The following TSHR variants were observed in gnomAD, a reference collection of about 807,000 sequenced individuals.
TSHR encodes thyrotropin receptor.
In TSHR, 51 loss-of-function variants were observed where a neutral mutation model predicts 64.1. The ratio of observed to expected loss-of-function variants is 0.80; its 90% confidence interval spans 0.64 to 1.01. The LOEUF (loss-of-function observed/expected upper bound fraction) is 1.01. Among genes scored for constraint, TSHR ranks in the 50% least tolerant of loss-of-function variants. TSHR has a pLI of 0.00. For synonymous variants in TSHR, 361 were observed against 361.9 expected (o/e 1.00, Z 0.03); for missense variants, 877 against 942.8 (o/e 0.93, Z 0.91).
intron 4 of TSHR, among the ~76,000 whole-genome samples, chr14:81,090,048 CAA>C (rs57476888): frequency 7.3e-6 from 1 of 137,000 alleles, no homozygotes; most frequent in Non-Finnish European, 1.6e-5. Flanking sequence ...GCCAAATTCT[CAA>C]AAAAAAAAAA....
At chr14:81,030,116 T>C (rs1884275294) in intron 1 of TSHR, among the ~76,000 whole-genome samples, 1 of 152,156 alleles carries the variant, frequency 6.6e-6, no homozygotes, top group Non-Finnish European at 1.5e-5. Flanking sequence ...AGAAGAGAGT[T>C]GATGGTGGCT....
chr14:81,091,452 A>G (rs1322589083), intron 5 of TSHR, among the ~76,000 whole-genome samples: 1 of 152,198 alleles, frequency 6.6e-6, no homozygotes, highest in Non-Finnish European at 1.5e-5. Context: ...GAGAGGTTTT[A>G]CTATTAAAAG....
chr14:81,142,296 G>T (rs906617691), intron 9 of TSHR, among the ~76,000 whole-genome samples: 12 of 152,144 alleles, frequency 7.9e-5, no homozygotes, highest in Non-Finnish European at 1.8e-4. Context: ...GGCCAGGCTG[G>T]TTCAAGCTCC....
At chr14:80,963,566 T>C (rs1440833415) in intron 1 of TSHR, among the ~76,000 whole-genome samples, 3 of 152,232 alleles carry the variant, frequency 2.0e-5, no homozygotes, top group African/African-American at 7.2e-5. Context: ...CAGAGAAAAC[T>C]GTATCTTTTT....
intron 8 of TSHR, among the ~76,000 whole-genome samples, chr14:81,110,336 G>T (rs989099957): frequency 6.6e-6 from 1 of 152,130 alleles, no homozygotes; most frequent in Non-Finnish European, 1.5e-5. Flanking sequence ...CAATCTGACA[G>T]GTGGCCTCAT....
At chr14:81,090,607 T>C (rs1464115896) in intron 4 of TSHR, among the ~76,000 whole-genome samples, 1 of 152,164 alleles carries the variant, frequency 6.6e-6, no homozygotes, top group East Asian at 1.9e-4. Context: ...GTAGGAAAGA[T>C]ATTCTTGGCA....
At chr14:81,022,551 G>A (rs1403575261) in intron 1 of TSHR, among the ~76,000 whole-genome samples, 3 of 152,060 alleles carry the variant, frequency 2.0e-5, no homozygotes, top group Non-Finnish European at 2.9e-5. Flanking sequence ...GGCCGGGCAC[G>A]GTGGCTCACA....
chr14:80,955,625 A>G lies in TSHR; in HGVS notation c.-56A>G. 6.2e-7 allele frequency: 1 copy of G among 1,606,998 alleles called. No homozygotes were observed. The highest frequency in any genetic ancestry group is 1.1e-5 in the South Asian group (1 of 90,684). On this transcript the variant is annotated 5_prime_UTR_variant, in exon 1 of 10. Transcript: ENST00000298171. ...TGGCCTGGGGTAACCCGAGGTGCAG[A>G]GCTGAGAATGAGGCGATTTCGGAGG...
chr14:80,964,223 G>A (rs1329816385), intron 1 of TSHR, among the ~76,000 whole-genome samples: 1 of 152,112 alleles, frequency 6.6e-6, no homozygotes, highest in Non-Finnish European at 1.5e-5. Flanking sequence ...TCAACAATCA[G>A]ATCAGTTTTG....
intron 2 of TSHR, among the ~76,000 whole-genome samples, chr14:81,067,883 A>G (rs1886749650): frequency 6.9e-6 from 1 of 145,424 alleles, no homozygotes; most frequent in African/African-American, 2.6e-5. Flanking sequence ...AAGAAGATGA[A>G]GAGAAAACCT....
At chr14:81,009,657 C>A (rs116307548) in intron 1 of TSHR, among the ~76,000 whole-genome samples, 2 of 151,902 alleles carry the variant, frequency 1.3e-5, no homozygotes. Context: ...CTATAGCTTA[C>A]TTTCTTGACT....
Position 81,077,955 on chromosome 14 carries a change from A to G in TSHR, c.317+9627A>G, listed in dbSNP as rs183805708. ...CCACATATCATGTAAGAACCTTTTG[A>G]AATTAAAATTCCATTTACCTTCTTC... On this transcript the variant is annotated intron_variant, in intron 3 of 9. Coordinates refer to ENST00000298171, the MANE Select transcript of TSHR (RefSeq NM_000369.5). Among the ~76,000 whole-genome samples the G allele has an allele frequency of 4.7e-3, 711 of 151,496 alleles. 7 individuals carry two copies. The highest frequency in any genetic ancestry group is 0.017 in the African/African-American group (682 of 40,824).
chr14:80,978,942 T>C (rs1888030793), intron 1 of TSHR, among the ~76,000 whole-genome samples: 2 of 152,232 alleles, frequency 1.3e-5, no homozygotes, highest in Non-Finnish European at 1.5e-5. Flanking sequence ...CTAATGAATT[T>C]GAATTTCAGA....
Position 81,062,334 on chromosome 14 carries a change from T to C in TSHR, c.242+115T>C, listed in dbSNP as rs933405375. On this transcript the variant is annotated intron_variant, in intron 2 of 9. Coordinates refer to ENST00000298171, the MANE Select transcript of TSHR (RefSeq NM_000369.5). ...TTGCATAAATCAATGGCAGTTATATTGTCAATGTATATGACAATTTTATGT... is the reference window on the plus strand; with the variant it reads ...TTGCATAAATCAATGGCAGTTATATCGTCAATGTATATGACAATTTTATGT... 4 of 717,368 alleles carry C rather than the reference T, an allele frequency of 5.6e-6. No homozygotes were observed. In the African/African-American group the frequency reaches 7.1e-5, roughly 13 times the overall value. The allele number at this position is 717,368 out of a possible 1,614,324, so 44.4% of individuals were successfully genotyped here.
At chr14:81,129,097 T>C (rs1448939702) in intron 8 of TSHR, among the ~76,000 whole-genome samples, 1 of 152,098 alleles carries the variant, frequency 6.6e-6, no homozygotes, top group Non-Finnish European at 1.5e-5. Context: ...TACCTTGACC[T>C]CCGAGCTCCA....
intron 1 of TSHR, chr14:81,011,965 G>T (rs1279112879): frequency 6.6e-6 from 1 of 152,004 alleles, no homozygotes; most frequent in Non-Finnish European, 1.5e-5. Flanking sequence ...AATACTTTAA[G>T]TTTTAGGGCA....
At chr14:80,983,612 A>G in intron 1 of TSHR, 7 of 945,964 alleles carry the variant, frequency 7.4e-6, no homozygotes, top group Non-Finnish European at 1.1e-5. Flanking sequence ...TTCTCAGGGA[A>G]GTTAAAGGGA....
At chr14:80,990,384 C>T (rs1401169496) in intron 1 of TSHR, among the ~76,000 whole-genome samples, 1 of 152,164 alleles carries the variant, frequency 6.6e-6, no homozygotes, top group Admixed American at 6.5e-5. Flanking sequence ...TTTTTCCCAC[C>T]GATCAAAGTT....
intron 1 of TSHR, among the ~76,000 whole-genome samples, chr14:80,990,399 C>T (rs1265048644): frequency 6.6e-6 from 1 of 152,208 alleles, no homozygotes; most frequent in Non-Finnish European, 1.5e-5. Flanking sequence ...AAAGTTACTC[C>T]CCTGCACTTC....
Sources: gnomAD v4.1 joint callset for allele counts (sites outside exome capture counted in the v4.1 genomes callset) on GRCh38, gnomAD v4.1.1 for gene constraint, MANE v1.5 for transcripts, NCBI Gene and HGNC (gene_info 2026-07-23, HGNC 2026-07-21) for gene names.